Variants in PCDH19 observed in about 807,000 individuals in gnomAD.
PCDH19 encodes protocadherin-19.
In PCDH19, 6 loss-of-function variants were observed where a neutral mutation model predicts 46.2. That is an observed-to-expected ratio of 0.13 (90% CI 0.07 to 0.26). The LOEUF is 0.26. Ranked by LOEUF, PCDH19 falls within the 10% of genes least tolerant of loss-of-function variation. PCDH19 has a pLI of 1.00. For synonymous variants in PCDH19, 481 were observed against 415.7 expected (o/e 1.16, Z -1.91); for missense variants, 740 against 972.3 (o/e 0.76, Z 3.18).
chrX:100,407,218 G>C lies in PCDH19; in HGVS notation c.1380C>G (p.Val460=), dbSNP rs1278848481. ...HPHFSKPYYQ[V]IVQENNTPGA... is the part of the protein sequence containing the mutation. The stretch of plus-strand genomic sequence containing the variant: ...CAGGCGTGTTGTTCTCCTGCACAAT[G>C]ACCTGGTAGTAGGGCTTGGAAAAGT... The change falls in exon 1 of 6, where the codon GTC becomes GTG. Residue 460 remains valine (V), a synonymous_variant. Transcript: ENST00000373034. The C allele has an allele frequency of 1.7e-6, 2 of 1,211,869 alleles. No homozygotes were observed. The highest frequency in any genetic ancestry group is 5.9e-5 in the East Asian group (2 of 33,828).
chrX:100,304,226 A>T (rs1924872001), intron 5 of PCDH19, among the ~76,000 whole-genome samples: 1 of 111,700 alleles, frequency 9.0e-6, no homozygotes, highest in African/African-American at 3.3e-5. Context: ...AAAGACCTGA[A>T]GACAGATCAT....
rs2147445718 is a variant in PCDH19 at position 100,296,438 on chromosome X, G to T, written c.3286C>A (p.Gln1096Lys). 3 of 1,211,309 alleles carry T rather than the reference G, an allele frequency of 2.5e-6. No individual in the cohort carries two copies. The highest frequency in any genetic ancestry group is 3.4e-6 in the Non-Finnish European group (3 of 895,268). ...ALAPPARDLE[Q>K]YVNNVNNGPT... Reference sequence around the variant, plus strand: ...CCATTGTTGACATTGTTGACATACTGCTCCAGATCACGGGCTGGGGGAGCC... The same window carrying T: ...CCATTGTTGACATTGTTGACATACTTCTCCAGATCACGGGCTGGGGGAGCC... Residue 1096 changes from glutamine (Q) to lysine (K), a missense_variant, in exon 6 of 6, where the codon CAG (glutamine) becomes AAG (lysine). By Grantham distance (53) the Gln-to-Lys change is moderately conservative (BLOSUM62 1). Coordinates refer to ENST00000373034, the MANE Select transcript of PCDH19 (RefSeq NM_001184880.2).
At chrX:100,382,825 T>C (rs181960354) in intron 3 of PCDH19, among the ~76,000 whole-genome samples, 49 of 112,161 alleles carry the variant, frequency 4.4e-4, no homozygotes, top group Non-Finnish European at 5.6e-4. Flanking sequence ...CTGATTCACG[T>C]AGGACCTCCT....
rs1440751971 is a variant in PCDH19 at position 100,296,705 on chromosome X, C to T, written c.3019G>A (p.Asp1007Asn). 4 of 1,211,211 alleles carry T rather than the reference C, an allele frequency of 3.3e-6. No homozygotes were observed. In the East Asian group the frequency reaches 8.9e-5, roughly 27 times the overall value. The change falls in exon 6 of 6, where the codon GAC becomes AAC. Residue 1007 changes from aspartate to asparagine, a missense_variant. By Grantham distance (23) the Asp-to-Asn change is conservative (BLOSUM62 1). Coordinates refer to ENST00000373034, the MANE Select transcript of PCDH19 (RefSeq NM_001184880.2). ...AAAGTCCGTTTGGTGGGGCCGCAGT[C>T]GTCATAAGCCTCGACATCAGCAGCA... Reference protein sequence around the residue: ...ATAADVEAYDDCGPTKRTFAT... With the variant: ...ATAADVEAYDNCGPTKRTFAT...
Position 100,407,920 on chromosome X carries a change from G to T in PCDH19, c.678C>A (p.Ile226=). 8.3e-7 allele frequency: 1 copy of T among 1,211,756 alleles called. No homozygotes were observed. The highest frequency in any genetic ancestry group is 1.1e-6 in the Non-Finnish European group (1 of 895,615). ...PPRLGTVGLS[I]KVTDSNDNNP... is the part of the protein sequence containing the mutation. ...TGTTGTCATTGGAGTCGGTCACCTT[G>T]ATACTAAGGCCAACGGTGCCCAGGC... The change falls in exon 1 of 6, where the codon ATC becomes ATA. Residue 226 remains isoleucine (I), a synonymous_variant. Coordinates refer to ENST00000373034, the MANE Select transcript of PCDH19 (RefSeq NM_001184880.2).
At chrX:100,333,183 G>GAAAGAAAGAAAGAAAGAA (rs1569294726) in intron 5 of PCDH19, among the ~76,000 whole-genome samples, 10 of 43,459 alleles carry the variant, frequency 2.3e-4, no homozygotes, top group East Asian at 2.1e-3. Flanking sequence ...GGGAGAGAGA[G>GAAAGAAAGAAAGAAAGAA]AGAAAGAAAG....
intron 3 of PCDH19, among the ~76,000 whole-genome samples, chrX:100,357,975 G>A (rs1403726470): frequency 8.9e-6 from 1 of 112,253 alleles, no homozygotes; most frequent in Non-Finnish European, 1.9e-5. Context: ...TTAGGCCAAG[G>A]TGGTTCTACT....
Position 100,408,685 on chromosome X carries a change from C to A in PCDH19, c.-88G>T. The A allele has an allele frequency of 1.2e-6, 1 of 840,436 alleles. No homozygotes were observed. The highest frequency in any genetic ancestry group is 1.7e-6 in the Non-Finnish European group (1 of 592,871). 69.3% of individuals were successfully genotyped at this position (840,436 alleles called of 1,213,427 possible). Reference sequence around the variant, plus strand: ...GCTCCAGCTTCCCGCCGGCTCGGGCCGCCTGTTGCGCGCGCCCCGTGGCCC... The same window carrying A: ...GCTCCAGCTTCCCGCCGGCTCGGGCAGCCTGTTGCGCGCGCCCCGTGGCCC... On this transcript the variant is annotated 5_prime_UTR_variant, in exon 1 of 6. Transcript: ENST00000373034.
chrX:100,386,258 C>A (rs1927713991), intron 3 of PCDH19, among the ~76,000 whole-genome samples: 1 of 111,264 alleles, frequency 9.0e-6, no homozygotes, highest in Admixed American at 9.6e-5. Context: ...ACCTCAAGGC[C>A]TTTTGGTCTG....
At chrX:100,373,879 G>A (rs187650138) in intron 3 of PCDH19, among the ~76,000 whole-genome samples, 1 of 112,978 alleles carries the variant, frequency 8.9e-6, no homozygotes, top group African/African-American at 3.2e-5. Flanking sequence ...TCTCACAGGT[G>A]ACTAAAAGGA....
At chrX:100,304,219 G>C (rs1258550450) in intron 5 of PCDH19, among the ~76,000 whole-genome samples, 2 of 111,520 alleles carry the variant, frequency 1.8e-5, no homozygotes, top group Admixed American at 1.9e-4. Flanking sequence ...ACGGCTGAAA[G>C]ACCTGAAGAC....
At position 100,293,759 on chromosome X, in the gene PCDH19, T is replaced by C. The variant is rs767596189; in HGVS notation, c.*2518A>G. 1 of 109,254 alleles carries C rather than the reference T, an allele frequency of 9.2e-6. No individual in the cohort carries two copies. Among genetic ancestry groups the C allele is most frequent in the East Asian group, 2.9e-4 (1 of 3,491 alleles). The allele number at this position is 109,254 out of a possible 1,213,427, so 9.0% of individuals were successfully genotyped here. A position where few individuals can be genotyped will look rare whatever the true frequency, so the allele number is the denominator to read the frequency against. ...GCCCACTGAGAACAAAGTATTTGGA[T>C]AGGGAAGAAGGATGGATCTATAGCT... On this transcript the variant is annotated 3_prime_UTR_variant, in exon 6 of 6. Transcript: ENST00000373034.
chrX:100,352,277 T>C (rs1926593488), intron 3 of PCDH19, among the ~76,000 whole-genome samples: 1 of 112,533 alleles, frequency 8.9e-6, no homozygotes, highest in African/African-American at 3.2e-5. Flanking sequence ...TTGGAAGCTG[T>C]GTTAGGAATA....
Position 100,409,085 on chromosome X carries a change from C to G in PCDH19, c.-488G>C, listed in dbSNP as rs180840648. Reference sequence around the variant, plus strand: ...CGCGGTGCACCGGCACTGAGGCTGGCGAACTCGCTGTCTGTGCACCTGGCA... The same window carrying G: ...CGCGGTGCACCGGCACTGAGGCTGGGGAACTCGCTGTCTGTGCACCTGGCA... On this transcript the variant is annotated 5_prime_UTR_variant, in exon 1 of 6. Coordinates refer to ENST00000373034, the MANE Select transcript of PCDH19 (RefSeq NM_001184880.2). 0.14 allele frequency: 15,662 copies of G among 112,350 alleles called. 1,118 individuals are homozygous for G. The highest frequency in any genetic ancestry group is 0.34 in the Middle Eastern group (74 of 218). 9.3% of individuals were successfully genotyped at this position (112,350 alleles called of 1,213,427 possible).
intron 5 of PCDH19, among the ~76,000 whole-genome samples, chrX:100,332,030 A>G (rs1486611193): frequency 8.9e-6 from 1 of 111,834 alleles, no homozygotes; most frequent in East Asian, 2.8e-4. Context: ...AAGTGGATGT[A>G]TCAATTAAGC....
intron 5 of PCDH19, among the ~76,000 whole-genome samples, chrX:100,336,451 T>A (rs758242918): frequency 1.9e-4 from 21 of 112,061 alleles, no homozygotes; most frequent in Admixed American, 5.7e-4. Flanking sequence ...ACAGAACATT[T>A]TCATGGCAAA....
chrX:100,375,922 T>C (rs985266101), intron 3 of PCDH19, among the ~76,000 whole-genome samples: 2 of 112,002 alleles, frequency 1.8e-5, no homozygotes, highest in African/African-American at 6.5e-5. Context: ...AGTCTCTTTA[T>C]GCTACACAAT....
chrX:100,293,292 G>T lies in PCDH19; in HGVS notation c.*2985C>A, dbSNP rs1924485425. Reference sequence around the variant, plus strand: ...AAGAAGTATACCTGTCTGGGGAATTGCCAAAGCAGTTATCATTAAAGCATG... The same window carrying T: ...AAGAAGTATACCTGTCTGGGGAATTTCCAAAGCAGTTATCATTAAAGCATG... On this transcript the variant is annotated 3_prime_UTR_variant, in exon 6 of 6. Coordinates refer to ENST00000373034, the MANE Select transcript of PCDH19 (RefSeq NM_001184880.2). 8.9e-6 allele frequency: 1 copy of T among 112,079 alleles called. No individual in the cohort carries two copies. The highest frequency in any genetic ancestry group is 9.4e-5 in the Admixed American group (1 of 10,584). 9.2% of individuals were successfully genotyped at this position (112,079 alleles called of 1,213,427 possible). A position where few individuals can be genotyped will look rare whatever the true frequency, so the allele number is the denominator to read the frequency against.
At chrX:100,313,792 A>AG (rs1476149157) in intron 5 of PCDH19, among the ~76,000 whole-genome samples, 1 of 109,330 alleles carries the variant, frequency 9.1e-6, no homozygotes, top group Non-Finnish European at 1.9e-5. Flanking sequence ...GACAAGAAAG[A>AG]GGGGCAGATG....
Sources: gnomAD v4.1 joint callset for allele counts (sites outside exome capture counted in the v4.1 genomes callset) on GRCh38, gnomAD v4.1.1 for gene constraint, MANE v1.5 for transcripts, NCBI Gene and HGNC (gene_info 2026-07-23, HGNC 2026-07-21) for gene names.